Variants in TENM2 observed in about 807,000 individuals in gnomAD.
TENM2 encodes the protein teneurin-2.
In TENM2, 52 loss-of-function variants were observed where a neutral mutation model predicts 245.2. That is an observed-to-expected ratio of 0.21 (90% confidence interval 0.17 to 0.27). The LOEUF (loss-of-function observed/expected upper bound fraction) is 0.27, where lower values mean the gene tolerates loss of function less well. Ranked by LOEUF, TENM2 falls within the 10% of genes least tolerant of loss-of-function variation. The pLI is 1.00. For missense variants in TENM2, 3,046 were observed against 3,666.8 expected (o/e 0.83, Z 4.37); for synonymous variants, 1,363 against 1,438.9 (o/e 0.95, Z 1.19).
chr5:167,161,419 G>A, the TENM2 span, among the ~76,000 whole-genome samples: 1 of 152,184 alleles, frequency 6.6e-6, no homozygotes, highest in Non-Finnish European at 1.5e-5. Context: ...CTTCAACTAT[G>A]AATGTGGGCC....
chr5:167,975,152 T>C (rs974818669), intron 4 of TENM2, among the ~76,000 whole-genome samples: 6 of 152,262 alleles, frequency 3.9e-5, no homozygotes, highest in Non-Finnish European at 7.3e-5. Flanking sequence ...TGCCTCGGCT[T>C]GTCCAACTGT....
chr5:167,541,005 G>C (rs1772171489), intron 2 of TENM2, among the ~76,000 whole-genome samples: 1 of 152,192 alleles, frequency 6.6e-6, no homozygotes, highest in African/African-American at 2.4e-5. Flanking sequence ...GGAAGGGCAA[G>C]TGGCCCAGAA....
chr5:166,986,743 G>A, the TENM2 span, among the ~76,000 whole-genome samples: 1 of 152,046 alleles, frequency 6.6e-6, no homozygotes, highest in South Asian at 2.1e-4. Flanking sequence ...GAAGTCACTG[G>A]GTAAATTACG....
intron 2 of TENM2, among the ~76,000 whole-genome samples, chr5:167,817,562 G>C (rs1767157424): frequency 6.6e-6 from 1 of 152,134 alleles, no homozygotes; most frequent in South Asian, 2.1e-4. Context: ...TAGATAGTTA[G>C]ATGGCTTAAC....
chr5:168,180,676 A>G (rs1343242519), intron 13 of TENM2, among the ~76,000 whole-genome samples: 2 of 152,212 alleles, frequency 1.3e-5, no homozygotes, highest in Non-Finnish European at 2.9e-5. Context: ...CGGGTGAATC[A>G]CCTGAAGTCA....
the TENM2 span, among the ~76,000 whole-genome samples, chr5:167,131,722 A>G: frequency 4.6e-5 from 7 of 152,098 alleles, no homozygotes; most frequent in African/African-American, 9.7e-5. Context: ...GGAAAAATGT[A>G]CTCTCCTAGG....
At chr5:167,066,575 C>T in the TENM2 span, among the ~76,000 whole-genome samples, 1 of 145,338 alleles carries the variant, frequency 6.9e-6, no homozygotes, top group Admixed American at 7.0e-5. Context: ...TGTTCCCCTT[C>T]CTGTGTCCAA....
intron 1 of TENM2, among the ~76,000 whole-genome samples, chr5:167,347,293 C>T (rs932982135): frequency 6.6e-6 from 1 of 152,150 alleles, no homozygotes; most frequent in African/African-American, 2.4e-5. Context: ...CTATCTTTGT[C>T]TTCTATGGCT....
At chr5:167,067,677 T>C in the TENM2 span, among the ~76,000 whole-genome samples, 2 of 152,350 alleles carry the variant, frequency 1.3e-5, no homozygotes, top group South Asian at 2.1e-4. Context: ...ATAATTTCTT[T>C]ATGATGTTGG....
intron 2 of TENM2, among the ~76,000 whole-genome samples, chr5:167,684,255 G>A (rs759492474): frequency 2.0e-5 from 3 of 152,204 alleles, no homozygotes; most frequent in Non-Finnish European, 4.4e-5. Context: ...CTTTCCAAAT[G>A]ATGCCACCTG....
At chr5:167,317,305 C>A (rs1187268809) in intron 1 of TENM2, among the ~76,000 whole-genome samples, 4 of 151,974 alleles carry the variant, frequency 2.6e-5, no homozygotes, top group African/African-American at 4.8e-5. Context: ...TTTTTTAAAA[C>A]CTTCCTTTCT....
intron 1 of TENM2, among the ~76,000 whole-genome samples, chr5:167,300,810 CTGTAG>C (rs879472932): frequency 5.9e-5 from 9 of 152,132 alleles, no homozygotes; most frequent in Middle Eastern, 3.4e-3. Context: ...TGAGGTGTGG[CTGTAG>C]CCCAGGAATA....
At chr5:167,460,346 A>C (rs1286387127) in intron 2 of TENM2, among the ~76,000 whole-genome samples, 1 of 152,212 alleles carries the variant, frequency 6.6e-6, no homozygotes, top group Non-Finnish European at 1.5e-5. Flanking sequence ...CATACCCCAC[A>C]TAGAATTCCA....
intron 3 of TENM2, among the ~76,000 whole-genome samples, chr5:167,921,160 C>T (rs560812788): frequency 2.0e-4 from 31 of 152,216 alleles, no homozygotes; most frequent in Middle Eastern, 6.8e-3. Flanking sequence ...TCATCTTATC[C>T]GATTGGTGTT....
chr5:167,915,691 C>G (rs908269561), intron 3 of TENM2, among the ~76,000 whole-genome samples: 1 of 152,216 alleles, frequency 6.6e-6, no homozygotes, highest in Non-Finnish European at 1.5e-5. Flanking sequence ...AAGAACAGAA[C>G]ACCTTCAGCC....
intron 5 of TENM2, among the ~76,000 whole-genome samples, chr5:168,038,071 G>A (rs1244662609): frequency 2.0e-5 from 3 of 152,180 alleles, no homozygotes; most frequent in Non-Finnish European, 4.4e-5. Flanking sequence ...TGATACTCAA[G>A]AGCTTCAGGT....
chr5:167,138,164 A>C, the TENM2 span, among the ~76,000 whole-genome samples: 3 of 152,254 alleles, frequency 2.0e-5, no homozygotes, highest in Admixed American at 6.5e-5. Context: ...AAACAATCAA[A>C]CAAGTGTTTG....
At chr5:167,635,448 T>G (rs1404797360) in intron 2 of TENM2, among the ~76,000 whole-genome samples, 5 of 151,986 alleles carry the variant, frequency 3.3e-5, no homozygotes, top group Admixed American at 3.3e-4. Flanking sequence ...ATCTGCATTT[T>G]CAATAAACTA....
At chr5:167,740,290 C>T (rs1343035791) in intron 2 of TENM2, among the ~76,000 whole-genome samples, 2 of 152,146 alleles carry the variant, frequency 1.3e-5, no homozygotes, top group African/African-American at 4.8e-5. Context: ...CAGAAACGTG[C>T]CCAAATCACT....
Sources: gnomAD v4.1 joint callset for allele counts (sites outside exome capture counted in the v4.1 genomes callset) on GRCh38, gnomAD v4.1.1 for gene constraint, MANE v1.5 for transcripts, NCBI Gene and HGNC (gene_info 2026-07-23, HGNC 2026-07-21) for gene names.